SMS: variants seen among roughly 807,000 people sequenced by gnomAD.
SMS encodes the protein spermine synthase.
In SMS, 3 loss-of-function variants were observed where a neutral mutation model predicts 33.0. The ratio of observed to expected loss-of-function variants is 0.09; its 90% CI spans 0.04 to 0.23. The LOEUF (loss-of-function observed/expected upper bound fraction) is 0.23. SMS is among the 10% of genes least tolerant of loss of function. The probability of loss-of-function intolerance (pLI) is 1.00; values close to 1 mark genes in which losing one functional copy is unlikely to be tolerated. For synonymous variants in SMS, 103 were observed against 112.2 expected, an observed-to-expected ratio of 0.92 and a Z score of 0.52; for missense variants, 117 against 288.6, an observed-to-expected ratio of 0.41 and a Z score of 4.31.
In SMS at chrX:21,940,712, C is replaced by G; in HGVS notation, c.-113C>G. 1 of 595,193 alleles carries G rather than the reference C, an allele frequency of 1.7e-6. No homozygotes were observed. The highest frequency in any genetic ancestry group is 2.5e-6 in the Non-Finnish European group (1 of 397,852). 49.1% of individuals were successfully genotyped at this position (595,193 alleles called of 1,213,427 possible). A position where few individuals can be genotyped will look rare whatever the true frequency, so the allele number is the denominator to read the frequency against. On this transcript the variant is annotated 5_prime_UTR_variant, in exon 1 of 11. Coordinates refer to ENST00000404933, the MANE Select transcript of SMS (RefSeq NM_004595.5). ...CCGGCGGCCCCTCCCACCTCCTAGT[C>G]CTGGCCTCCCCGGGCGCAGCACACT...
At chrX:21,992,232 T>G (rs1602227211) in intron 9 of SMS, among the ~76,000 whole-genome samples, 1 of 112,682 alleles carries the variant, frequency 8.9e-6, no homozygotes, top group Non-Finnish European at 1.9e-5. Context: ...ATACTTCATT[T>G]GTAATATAAT....
intron 4 of SMS, among the ~76,000 whole-genome samples, chrX:21,975,329 A>T (rs1924463980): frequency 1.8e-5 from 2 of 108,967 alleles, no homozygotes; most frequent in Non-Finnish European, 3.9e-5. Flanking sequence ...GCTAGTCTTT[A>T]AAAAAACCAT....
At chrX:21,945,163 T>C (rs977349626) in intron 1 of SMS, among the ~76,000 whole-genome samples, 10 of 111,824 alleles carry the variant, frequency 8.9e-5, no homozygotes, top group African/African-American at 3.3e-4. Flanking sequence ...GTCTGTATCC[T>C]GGAGACAGCT....
chrX:21,986,347 CAAAAAAAAAAA>C (rs57792709), intron 9 of SMS, among the ~76,000 whole-genome samples: 1 of 33,223 alleles, frequency 3.0e-5, no homozygotes, highest in African/African-American at 1.3e-4. Context: ...GACTACATCT[CAAAAAAAAAAA>C]AAAAAAAAAA....
In SMS at chrX:21,972,876, A is replaced by G. The variant is rs1163854731; in HGVS notation, c.329+305A>G. ...GGTTGCAGTGAGCTGAGATCATCGC[A>G]CCGCTGCACTCCTGCCTGGGTGACA... On this transcript the variant is annotated intron_variant, in intron 4 of 10. Transcript: ENST00000404933. Among the ~76,000 whole-genome samples, 5 of 97,878 alleles carry G rather than the reference A, an allele frequency of 5.1e-5. No homozygotes were observed. The East Asian group carries it at 1.6e-3, about 32-fold the overall frequency. The allele number at this position is 97,878 out of a possible 115,157, so 85.0% of individuals were successfully genotyped here.
chrX:21,988,780 G>T (rs1047133835), intron 9 of SMS, among the ~76,000 whole-genome samples: 14 of 110,446 alleles, frequency 1.3e-4, no homozygotes, highest in African/African-American at 4.3e-4. Flanking sequence ...AGTTCGTGAT[G>T]TCATTGGTTT....
At chrX:21,942,878 C>T (rs1483473980) in intron 1 of SMS, among the ~76,000 whole-genome samples, 5 of 99,040 alleles carry the variant, frequency 5.0e-5, no homozygotes, top group Non-Finnish European at 9.9e-5. Context: ...CTCACTCTGT[C>T]GCCCAGGTTG....
At chrX:21,960,036 C>A (rs6629444) in intron 1 of SMS, 1 of 203,183 alleles carries the variant, frequency 4.9e-6, no homozygotes, top group Non-Finnish European at 5.7e-6. Flanking sequence ...TGTGTACATC[C>A]GTGTGTGTGT....
chrX:21,953,667 C>T (rs367902463), intron 1 of SMS, among the ~76,000 whole-genome samples: 147 of 112,306 alleles, frequency 1.3e-3, no homozygotes, highest in African/African-American at 4.6e-3. Context: ...GGAATTGCCC[C>T]ATTTCATTCT....
intron 1 of SMS, among the ~76,000 whole-genome samples, chrX:21,952,243 CTG>C (rs1180654883): frequency 9.0e-6 from 1 of 111,589 alleles, no homozygotes; most frequent in Non-Finnish European, 1.9e-5. Context: ...ATTATGCTAA[CTG>C]TAGGTTTTTT....
intron 9 of SMS, among the ~76,000 whole-genome samples, chrX:21,990,635 C>T (rs1016546408): frequency 8.9e-6 from 1 of 112,435 alleles, no homozygotes; most frequent in Non-Finnish European, 1.9e-5. Flanking sequence ...TGGGAAAGAA[C>T]AAATTGAAAC....
intron 2 of SMS, among the ~76,000 whole-genome samples, chrX:21,968,893 A>G (rs1486447315): frequency 8.9e-6 from 1 of 111,904 alleles, no homozygotes; most frequent in African/African-American, 3.3e-5. Context: ...TAACCAAACA[A>G]CACCCGTTCC....
At chrX:21,980,429 A>AAAT (rs1260210326) in intron 7 of SMS, among the ~76,000 whole-genome samples, 9 of 63,047 alleles carry the variant, frequency 1.4e-4, no homozygotes, top group South Asian at 1.5e-3. Context: ...AAAAAAAAAA[A>AAAT]ATATATATAT....
intron 5 of SMS, 36 bp from the exon 6 acceptor site, chrX:21,977,924 G>T (rs1279991001): frequency 1.7e-6 from 2 of 1,196,037 alleles, no homozygotes. Context: ...GTGTGTTAAG[G>T]TAGACTCACC....
intron 1 of SMS, among the ~76,000 whole-genome samples, chrX:21,946,840 A>G (rs1181287884): frequency 8.9e-6 from 1 of 112,212 alleles, no homozygotes; most frequent in Non-Finnish European, 1.9e-5. Context: ...ACAGATCATC[A>G]GCAAAATTTC....
chrX:21,972,250 A>G (rs1924215101), intron 3 of SMS, among the ~76,000 whole-genome samples: 1 of 112,001 alleles, frequency 8.9e-6, no homozygotes, highest in African/African-American at 3.2e-5. Context: ...AGGATTTTAT[A>G]GCTGCAGTAC....
chrX:21,962,122 T>C (rs1923401306), intron 1 of SMS, among the ~76,000 whole-genome samples: 1 of 111,725 alleles, frequency 9.0e-6, no homozygotes, highest in South Asian at 3.7e-4. Context: ...CTTGGGGCAG[T>C]TGGGGTGTGG....
chrX:21,979,527 A>G (rs1924770577), intron 7 of SMS, among the ~76,000 whole-genome samples: 1 of 111,270 alleles, frequency 9.0e-6, no homozygotes, highest in Admixed American at 9.6e-5. Context: ...TGCAGAGGAC[A>G]TGAACTCATT....
chrX:21,941,306 C>T (rs1363482847), intron 1 of SMS: 3 of 201,551 alleles, frequency 1.5e-5, no homozygotes, highest in South Asian at 1.0e-4. Context: ...GCGGCGAGCC[C>T]GGGCTGGGGG....
Sources: gnomAD v4.1 joint callset for allele counts (sites outside exome capture counted in the v4.1 genomes callset) on GRCh38, gnomAD v4.1.1 for gene constraint, MANE v1.5 for transcripts, NCBI Gene and HGNC (gene_info 2026-07-23, HGNC 2026-07-21) for gene names.